The following USP34 variants were observed in gnomAD, a reference collection of about 807,000 sequenced individuals.
USP34 encodes ubiquitin carboxyl-terminal hydrolase 34.
A neutral mutation model predicts 460.3 loss-of-function variants in USP34; 70 were observed. The ratio of observed to expected loss-of-function variants is 0.15; its 90% CI spans 0.13 to 0.19. USP34 has a LOEUF of 0.19. Ranked by LOEUF, USP34 falls within the 10% of genes least tolerant of loss-of-function variation. The pLI is 1.00. For missense variants in USP34, 3,985 were observed against 4,236.2 expected (o/e 0.94, Z 1.65); for synonymous variants, 1,647 against 1,405.3 (o/e 1.17, Z -3.85).
chr2:61,339,258 C>A, intron 18 of USP34, 93 bp downstream of exon 18: 1 of 1,243,336 alleles, frequency 8.0e-7, no homozygotes, highest in Non-Finnish European at 1.1e-6. Context: ...GTATATGAAA[C>A]AGTATAAAAA....
intron 51 of USP34, among the ~76,000 whole-genome samples, chr2:61,243,047 T>C (rs1050756199): frequency 1.3e-5 from 2 of 152,048 alleles, no homozygotes; most frequent in African/African-American, 4.8e-5. Context: ...GGTTTCACCA[T>C]GTTGGCCAGG....
rs376461240 is a variant in USP34, at chr2:61,229,047, G to A, written c.7200-52C>T. On this transcript the variant is annotated intron_variant, in intron 59 of 79. Coordinates refer to ENST00000398571, the MANE Select transcript of USP34 (RefSeq NM_014709.4). ...AGAATGTATGAGGTCTGGAAATACT[G>A]TTCGAGAGAAAAAGTACTTTTTAAA... The A allele has an allele frequency of 8.4e-5, 114 of 1,357,754 alleles. No homozygotes were observed. The African/African-American group carries it at 1.5e-3, about 17-fold the overall frequency. 84.1% of individuals were successfully genotyped at this position (1,357,754 alleles called of 1,614,324 possible). A position where few individuals can be genotyped will look rare whatever the true frequency, so the allele number is the denominator to read the frequency against.
intron 58 of USP34, among the ~76,000 whole-genome samples, chr2:61,230,452 AG>A (rs1687860083): frequency 6.6e-6 from 1 of 152,088 alleles, no homozygotes; most frequent in Non-Finnish European, 1.5e-5. Context: ...TGAAGCCGGG[AG>A]GTGGCGGTTG....
intron 43 of USP34, among the ~76,000 whole-genome samples, chr2:61,261,548 G>T (rs1346236369): frequency 6.6e-6 from 1 of 152,086 alleles, no homozygotes; most frequent in Non-Finnish European, 1.5e-5. Context: ...CTGTTGGGAA[G>T]GTGAAAAAGT....
intron 3 of USP34, among the ~76,000 whole-genome samples, chr2:61,396,595 T>C (rs1028837947): frequency 3.9e-5 from 6 of 151,950 alleles, no homozygotes; most frequent in African/African-American, 1.5e-4. Context: ...TTCACGCCAT[T>C]CTCCTGCCTC....
intron 21 of USP34, 98 bp downstream of exon 21, chr2:61,325,276 TA>T (rs369202857): frequency 0.03 from 18,253 of 601,094 alleles, 1 homozygote; most frequent in South Asian, 0.049. Context: ...TAAATTAAAC[TA>T]AAAAAAAAAA....
intron 75 of USP34, among the ~76,000 whole-genome samples, chr2:61,195,688 C>T (rs1285643115): frequency 6.6e-6 from 1 of 151,894 alleles, no homozygotes; most frequent in Non-Finnish European, 1.5e-5. Context: ...AACAAAAAAA[C>T]CATTAGCCAA....
At chr2:61,188,837 T>G in intron 79 of USP34, 73 bp downstream of exon 79, 2 of 1,585,380 alleles carry the variant, frequency 1.3e-6, no homozygotes, top group East Asian at 4.5e-5. Context: ...ACACAACTCT[T>G]AAACCAGTTA....
At chr2:61,286,632 G>C (rs911026621) in intron 34 of USP34, among the ~76,000 whole-genome samples, 1 of 152,008 alleles carries the variant, frequency 6.6e-6, no homozygotes, top group African/African-American at 2.4e-5. Flanking sequence ...TTCAGCTTGG[G>C]CAACAGAGCT....
Position 61,189,037 on chromosome 2 carries a change from T to A in USP34, c.9906A>T (p.Val3302=). The change falls in exon 79 of 80, where the codon GTA becomes GTT. Residue 3302 remains valine (V), a synonymous_variant. Coordinates refer to ENST00000398571, the MANE Select transcript of USP34 (RefSeq NM_014709.4). ...DLRALALLLS[V]HTPKQLNPAL... is the part of the protein sequence containing the mutation. Reference sequence around the variant, plus strand: ...CTGGGTTTAACTGTTTGGGAGTGTGTACTGACAGGAGCAAAGCGAGTGCCC... The same window carrying A: ...CTGGGTTTAACTGTTTGGGAGTGTGAACTGACAGGAGCAAAGCGAGTGCCC... 1 of 1,614,148 alleles carries A rather than the reference T, an allele frequency of 6.2e-7. No individual in the cohort carries two copies. The highest frequency in any genetic ancestry group is 8.5e-7 in the Non-Finnish European group (1 of 1,180,026).
intron 75 of USP34, among the ~76,000 whole-genome samples, chr2:61,201,026 G>A (rs1407510634): frequency 6.6e-6 from 1 of 151,792 alleles, no homozygotes; most frequent in Non-Finnish European, 1.5e-5. Context: ...AATTTGTGGA[G>A]GTTTTGATTT....
chr2:61,256,413 A>G lies in USP34; in HGVS notation c.6192T>C (p.His2064=). The change falls in exon 48 of 80, where the codon CAT becomes CAC. Residue 2064 remains histidine (H), a synonymous_variant. Transcript: ENST00000398571. ...TTTCAGCTCGTACTTTCTTCCCACA[A>G]TGAGAACAAGTATACATGTTATCAC... The part of the protein sequence containing the change: ...LEGDNMYTCS[H]CGKKVRAEKR... 3 of 1,612,300 alleles carry G rather than the reference A, an allele frequency of 1.9e-6. No homozygotes were observed. Among genetic ancestry groups the G allele is most frequent in the South Asian group, 1.1e-5 (1 of 90,730 alleles).
Position 61,241,613 on chromosome 2 carries a change from C to G in USP34, c.6724G>C (p.Glu2242Gln), listed in dbSNP as rs746478648. 5.0e-6 allele frequency: 8 copies of G among 1,610,440 alleles called. No homozygotes were observed. Among genetic ancestry groups the G allele is most frequent in the Middle Eastern group, 3.3e-4 (2 of 6,048 alleles). Residue 2242 changes from glutamate (E) to glutamine (Q), a missense_variant, in exon 53 of 80, where the codon GAG becomes CAG. Coordinates refer to ENST00000398571, the MANE Select transcript of USP34 (RefSeq NM_014709.4). ...YMLFYKRMEP[E>Q]EENGREYKFD... is the part of the protein sequence containing the mutation. ...TTGTATTCTCTGCCATTTTCTTCCT[C>G]TGGTTCCATGCGTTTGTAAAACAGC...
intron 2 of USP34, chr2:61,416,928 G>A (rs997275844): frequency 1.1e-5 from 13 of 1,146,310 alleles, no homozygotes; most frequent in African/African-American, 7.6e-5. Flanking sequence ...CATGAATGGC[G>A]ACATACTTGA....
intron 10 of USP34, among the ~76,000 whole-genome samples, chr2:61,361,800 C>A (rs1692282706): frequency 6.6e-6 from 1 of 151,908 alleles, no homozygotes; most frequent in African/African-American, 2.4e-5. Flanking sequence ...CAACATAAGC[C>A]AAAATATACA....
chr2:61,321,803 T>C (rs1358519539), intron 21 of USP34, among the ~76,000 whole-genome samples: 2 of 152,154 alleles, frequency 1.3e-5, no homozygotes, highest in African/African-American at 2.4e-5. Flanking sequence ...GTAAAAATGA[T>C]TGGGGGAGGT....
At chr2:61,298,630 G>A (rs62149673) in intron 29 of USP34, among the ~76,000 whole-genome samples, 8 of 140,056 alleles carry the variant, frequency 5.7e-5, no homozygotes, top group Admixed American at 2.3e-4. Flanking sequence ...TCAGACTAAC[G>A]TAACAGCCTA....
At position 61,190,615 on chromosome 2, in the gene USP34, G is replaced by T; in HGVS notation, c.9632C>A (p.Pro3211His). 1 of 1,613,894 alleles carries T rather than the reference G, an allele frequency of 6.2e-7. No homozygotes were observed. The highest frequency in any genetic ancestry group is 1.1e-5 in the South Asian group (1 of 91,058). The stretch of plus-strand genomic sequence containing the variant: ...ACATTTAATATATTCTGCGAAAACA[G>T]GATCTTCACACAAAAGCTTGATGCA... Reference protein sequence around the residue: ...KNCIKLLCEDPVFAEYIKCIL... With the variant: ...KNCIKLLCEDHVFAEYIKCIL... Residue 3211 changes from proline (P) to histidine (H), a missense_variant, in exon 77 of 80, where the codon CCT becomes CAT. Pro to His is a moderately conservative substitution (Grantham distance 77, BLOSUM62 -2). Coordinates refer to ENST00000398571, the MANE Select transcript of USP34 (RefSeq NM_014709.4).
chr2:61,347,797 G>C, intron 15 of USP34, 73 bp downstream of exon 15: 1 of 1,552,218 alleles, frequency 6.4e-7, no homozygotes, highest in Non-Finnish European at 8.7e-7. Context: ...AGAATAAATT[G>C]CAAATTGAAT....
Sources: gnomAD v4.1 joint callset for allele counts (sites outside exome capture counted in the v4.1 genomes callset) on GRCh38, gnomAD v4.1.1 for gene constraint, MANE v1.5 for transcripts, NCBI Gene and HGNC (gene_info 2026-07-23, HGNC 2026-07-21) for gene names.